The following SEZ6 variants were observed in gnomAD, a reference collection of about 807,000 sequenced individuals.
SEZ6 encodes seizure related 6 homolog.
Under a neutral mutation model 101.0 loss-of-function variants are expected in SEZ6, and 53 were observed. That is an observed-to-expected ratio of 0.52 (90% CI 0.42 to 0.66). The LOEUF (loss-of-function observed/expected upper bound fraction) is 0.66, where lower values mean the gene tolerates loss of function less well. SEZ6 is among the 30% of genes least tolerant of loss of function. SEZ6 has a pLI of 0.00. For missense variants in SEZ6, 1,102 were observed against 1,289.4 expected (o/e 0.85, Z 2.23); for synonymous variants, 488 against 512.2 (o/e 0.95, Z 0.64).
rs1187735034 is a variant in SEZ6, at chr17:28,959,424, GGA to G, written c.1818_1819del (p.Pro607GlnfsTer37). On this transcript the variant is annotated frameshift_variant, in exon 9 of 17. Coordinates refer to ENST00000317338, the MANE Select transcript of SEZ6 (RefSeq NM_178860.5). LOFTEE classifies it high-confidence loss of function. The surrounding 1 kb of genome is among the most constrained non-coding windows in gnomAD (Gnocchi z 4.4). ...ACGACCGTAGGGCTCTGGCCAGTTGGGAGAGAGTACCACGCCAGCCGAGTCTG... is the reference window on the plus strand; with the variant it reads ...ACGACCGTAGGGCTCTGGCCAGTTGGGAGAGTACCACGCCAGCCGAGTCTG... The G allele has an allele frequency of 6.2e-7, 1 of 1,613,750 alleles. No individual in the cohort carries two copies. The highest frequency in any genetic ancestry group is 2.2e-5 in the East Asian group (1 of 44,894).
At chr17:28,957,645 T>TAGACCCATA in intron 11 of SEZ6, 106 bp from the exon 12 acceptor site, 1 of 1,229,126 alleles carries the variant, frequency 8.1e-7, no homozygotes, top group Non-Finnish European at 1.1e-6. Context: ...GTCGTATGGG[T>TAGACCCATA]CTACCCCCTA....
At chr17:28,983,734 T>C (rs1487683072) in intron 1 of SEZ6, among the ~76,000 whole-genome samples, 1 of 152,002 alleles carries the variant, frequency 6.6e-6, no homozygotes, top group Non-Finnish European at 1.5e-5. Context: ...TCCTTACAGC[T>C]CTCAAAATGG....
intron 4 of SEZ6, 40 bp downstream of exon 4, chr17:28,969,717 G>A (rs376722749): frequency 5.2e-5 from 74 of 1,421,452 alleles, no homozygotes; most frequent in Non-Finnish European, 5.3e-5. Flanking sequence ...GGAGGGCAGC[G>A]AGTCTGGGCT....
chr17:28,958,677 C>T (rs1428447299), intron 10 of SEZ6, among the ~76,000 whole-genome samples: 1 of 151,906 alleles, frequency 6.6e-6, no homozygotes, highest in African/African-American at 2.4e-5. Context: ...ATAATCCCAG[C>T]TACTCAGGAG....
At chr17:28,972,970 A>G (rs1419281127) in intron 3 of SEZ6, among the ~76,000 whole-genome samples, 1 of 152,178 alleles carries the variant, frequency 6.6e-6, no homozygotes, top group African/African-American at 2.4e-5. Context: ...GTATTACTAG[A>G]AATTAATTTG....
Position 28,958,154 on chromosome 17 carries a change from A to T in SEZ6, c.2108-13T>A, listed in dbSNP as rs775448167. The T allele has an allele frequency of 7.6e-6, 12 of 1,581,416 alleles. No individual in the cohort carries two copies. In the East Asian group the frequency reaches 2.7e-4, roughly 36 times the overall value. On this transcript the variant is annotated splice_polypyrimidine_tract_variant and intron_variant, in intron 10 of 16. Transcript: ENST00000317338. ...TTGCGGGGCACCTCTGGGGGCACAG[A>T]GGCACAAGATGCAGGCCCTCGGCCA...
Position 28,964,141 on chromosome 17 carries a change from A to G in SEZ6, c.1061T>C (p.Leu354Pro), listed in dbSNP as rs2041027340. 1 of 1,580,624 alleles carries G rather than the reference A, an allele frequency of 6.3e-7. No homozygotes were observed. The highest frequency in any genetic ancestry group is 8.6e-7 in the Non-Finnish European group (1 of 1,162,990). Residue 354 changes from leucine (L) to proline (P), a missense_variant, in exon 5 of 17, where the codon CTC becomes CCC. This residue lies in a region of SEZ6 where 556 missense variants were observed against 735.1 expected (regional missense o/e 0.76). Coordinates refer to ENST00000317338, the MANE Select transcript of SEZ6 (RefSeq NM_178860.5). ...ACGACGGGGAAAGTGGCAGCTCAGG[A>G]GATAGGCTGCAAACAGAGAACGGGT... ...GTFHFHYQAY[L>P]LSCHFPRRPA...
chr17:28,971,734 A>C (rs186604347), intron 3 of SEZ6, among the ~76,000 whole-genome samples: 1 of 152,346 alleles, frequency 6.6e-6, no homozygotes, highest in Non-Finnish European at 1.5e-5. Context: ...GCAGGGTTTC[A>C]AGGGTTGACC....
chr17:28,986,549 G>A (rs1026297683), intron 1 of SEZ6, among the ~76,000 whole-genome samples: 1 of 152,182 alleles, frequency 6.6e-6, no homozygotes, highest in Non-Finnish European at 1.5e-5. Context: ...TGAGGCCCAG[G>A]AGCTTGCCCA....
intron 1 of SEZ6, 32 bp from the exon 2 acceptor site, chr17:28,982,071 C>T (rs2041315849): frequency 3.9e-6 from 6 of 1,538,348 alleles, no homozygotes; most frequent in Non-Finnish European, 4.4e-6. Flanking sequence ...AGAGGTTCTC[C>T]CCCTGCTCCA....
At chr17:28,994,011 G>A (rs1236300962) in intron 1 of SEZ6, among the ~76,000 whole-genome samples, 1 of 152,256 alleles carries the variant, frequency 6.6e-6, no homozygotes, top group African/African-American at 2.4e-5. Context: ...AGGAGATGAA[G>A]TTGGAGAGCT....
In SEZ6 at chr17:28,955,602, G is replaced by T. The variant is rs867109233; in HGVS notation, c.*360C>A. ...CAGGTTGCCATGCCAGGGCGGGATG[G>T]TGGTCATGTGGAGAAAGGTACTCCT... On this transcript the variant is annotated 3_prime_UTR_variant, in exon 17 of 17. Coordinates refer to ENST00000317338, the MANE Select transcript of SEZ6 (RefSeq NM_178860.5). 1 of 514,334 alleles carries T rather than the reference G, an allele frequency of 1.9e-6. No homozygotes were observed. Among genetic ancestry groups the T allele is most frequent in the Non-Finnish European group, 3.8e-6 (1 of 264,920 alleles). The allele number at this position is 514,334 out of a possible 1,614,324, so 31.9% of individuals were successfully genotyped here. A position where few individuals can be genotyped will look rare whatever the true frequency, so the allele number is the denominator to read the frequency against.
chr17:28,999,894 T>C lies in SEZ6; in HGVS notation c.55+5921A>G, dbSNP rs1000563375. ...TGACTCCCAGCCCCTTATTCTTTCC[T>C]GACCTCCAAATATTGGAAAGGATGT... is the stretch of plus-strand genomic sequence containing the variant. On this transcript the variant is annotated intron_variant, in intron 1 of 16. Transcript: ENST00000317338. Among the ~76,000 whole-genome samples, 61 of 152,224 alleles carry C rather than the reference T, an allele frequency of 4.0e-4. 1 individual carries two copies. The highest frequency in any genetic ancestry group is 2.9e-5 in the Non-Finnish European group (2 of 68,034).
intron 1 of SEZ6, among the ~76,000 whole-genome samples, chr17:28,982,280 ATC>A (rs2041319744): frequency 6.6e-6 from 1 of 152,168 alleles, no homozygotes; most frequent in African/African-American, 2.4e-5. Context: ...TTTCTAGCCC[ATC>A]CGTGCACTAT....
At chr17:28,965,692 G>T (rs776018940) in intron 4 of SEZ6, among the ~76,000 whole-genome samples, 2 of 152,188 alleles carry the variant, frequency 1.3e-5, no homozygotes, top group Non-Finnish European at 2.9e-5. Flanking sequence ...TAGGGAGGCA[G>T]TGCACTGCCT....
At chr17:29,003,301 G>C (rs1017431697) in intron 1 of SEZ6, among the ~76,000 whole-genome samples, 3 of 152,176 alleles carry the variant, frequency 2.0e-5, no homozygotes, top group African/African-American at 7.2e-5. Context: ...GGCCCAAGAC[G>C]CCCCTGATGC....
chr17:28,966,890 C>T (rs1012816442), intron 4 of SEZ6, among the ~76,000 whole-genome samples: 2 of 152,218 alleles, frequency 1.3e-5, no homozygotes, highest in African/African-American at 2.4e-5. Flanking sequence ...TTCTGTCTCT[C>T]ATGGGGCTCT....
At position 28,958,116 on chromosome 17, in the gene SEZ6, C is replaced by T. The variant is rs754550373; in HGVS notation, c.2133G>A (p.Pro711=). 1.3e-5 allele frequency: 20 copies of T among 1,598,840 alleles called. No individual in the cohort carries two copies. Among genetic ancestry groups the T allele is most frequent in the African/African-American group, 4.0e-5 (3 of 74,682 alleles). The change falls in exon 11 of 17, where the codon CCG becomes CCA. Residue 711 remains proline (P), a synonymous_variant. Transcript: ENST00000317338. ...FFEVPRNDTC[P]ELPEIPNGWK... ...AGCCATTGGGGATCTCAGGCAGCTC[C>T]GGACATGTGTCATTGCGGGGCACCT...
At chr17:28,958,252 C>G (rs1048064783) in intron 10 of SEZ6, 111 bp from the exon 11 acceptor site, 48 of 1,314,760 alleles carry the variant, frequency 3.7e-5, no homozygotes, top group Non-Finnish European at 4.6e-5. Context: ...CCTAGACTGT[C>G]CTGGGCGGGC....
Sources: allele counts gnomAD v4.1 joint callset (sites outside exome capture counted in the v4.1 genomes callset), GRCh38; gene constraint gnomAD v4.1.1; regional missense constraint gnomAD v4.1.1; non-coding constraint Gnocchi (gnomAD v3.1); transcripts MANE v1.5; gene names NCBI Gene and HGNC (gene_info 2026-07-23, HGNC 2026-07-21).